The following CNTNAP5 variants were observed in gnomAD, a reference collection of about 807,000 sequenced individuals.
CNTNAP5 encodes contactin associated protein family member 5, also known as contactin-associated protein-like 5.
In CNTNAP5, 72 loss-of-function variants were observed where a neutral mutation model predicts 150.2. The ratio of observed to expected loss-of-function variants is 0.48; its 90% CI spans 0.40 to 0.58. The LOEUF is 0.58. Ranked by LOEUF, CNTNAP5 falls within the 20% of genes least tolerant of loss-of-function variation. The probability of loss-of-function intolerance (pLI) is 0.00; values close to 1 mark genes in which losing one functional copy is unlikely to be tolerated. For missense variants in CNTNAP5, 1,636 were observed against 1,626.2 expected (o/e 1.01, Z -0.10); for synonymous variants, 672 against 619.8 (o/e 1.08, Z -1.25).
intron 3 of CNTNAP5, among the ~76,000 whole-genome samples, chr2:124,385,519 A>G (rs1324368261): frequency 6.6e-6 from 1 of 152,202 alleles, no homozygotes; most frequent in Non-Finnish European, 1.5e-5. Context: ...ATAAGACTAT[A>G]TTCTCTGGGG....
intron 19 of CNTNAP5, among the ~76,000 whole-genome samples, chr2:124,802,451 G>A (rs545678273): frequency 1.0e-3 from 155 of 152,260 alleles, no homozygotes; most frequent in African/African-American, 3.6e-3. Context: ...AAAGAAATTA[G>A]TTTAATTTCT....
intron 1 of CNTNAP5, among the ~76,000 whole-genome samples, chr2:124,215,865 A>G (rs936921414): frequency 6.6e-6 from 1 of 152,190 alleles, no homozygotes; most frequent in Non-Finnish European, 1.5e-5. Flanking sequence ...GTTATAAATA[A>G]TACTACTACT....
chr2:124,526,119 C>A (rs998407362), intron 9 of CNTNAP5, among the ~76,000 whole-genome samples: 9 of 152,150 alleles, frequency 5.9e-5, no homozygotes, highest in African/African-American at 2.2e-4. Context: ...ATCCAACATG[C>A]CTCAGAGACA....
intron 1 of CNTNAP5, among the ~76,000 whole-genome samples, chr2:124,133,158 G>C (rs971281062): frequency 6.6e-6 from 1 of 152,134 alleles, no homozygotes; most frequent in Admixed American, 6.5e-5. Context: ...AAAAAAGGTA[G>C]TTGAGATTCA....
intron 21 of CNTNAP5, among the ~76,000 whole-genome samples, chr2:124,879,969 T>A (rs1294039600): frequency 1.3e-5 from 2 of 152,086 alleles, no homozygotes. Context: ...GGCCAGAAGC[T>A]GAAAGAAACA....
At chr2:124,088,844 T>C (rs985974291) in intron 1 of CNTNAP5, among the ~76,000 whole-genome samples, 2 of 152,180 alleles carry the variant, frequency 1.3e-5, no homozygotes, top group Admixed American at 1.3e-4. Flanking sequence ...ATCTTGATAA[T>C]CTCATGGACG....
chr2:124,134,958 A>C (rs1489266064), intron 1 of CNTNAP5: 1 of 152,202 alleles, frequency 6.6e-6, no homozygotes, highest in Non-Finnish European at 1.5e-5. Flanking sequence ...GTATAAAAAT[A>C]TCTACTATAC....
intron 3 of CNTNAP5, among the ~76,000 whole-genome samples, chr2:124,271,648 G>GT (rs5834055): frequency 0.068 from 9,969 of 145,842 alleles, 460 homozygotes; most frequent in Non-Finnish European, 0.11. Context: ...CCTTCATTTA[G>GT]TTTTTTTTTA....
intron 3 of CNTNAP5, among the ~76,000 whole-genome samples, chr2:124,346,149 CACTT>C (rs1381149650): frequency 6.6e-6 from 1 of 152,168 alleles, no homozygotes; most frequent in African/African-American, 2.4e-5. Context: ...ATACCACACT[CACTT>C]GCTTACTTAA....
In CNTNAP5 at chr2:124,699,993, T is replaced by C. The variant is rs183138101; in HGVS notation, c.2078-47236T>C. 3.3e-5 allele frequency among the ~76,000 whole-genome samples: 5 copies of C among 152,316 alleles called. No individual in the cohort carries two copies. The East Asian group carries it at 9.6e-4, about 29-fold the overall frequency. On this transcript the variant is annotated intron_variant, in intron 13 of 23. Transcript: ENST00000682447. Reference sequence around the variant, plus strand: ...ACCCAAAATGAAACCCTGTACTTGTTAGCAACTTCTCTCCATTCTCTTCTC... The same window carrying C: ...ACCCAAAATGAAACCCTGTACTTGTCAGCAACTTCTCTCCATTCTCTTCTC...
At chr2:124,806,930 T>A (rs1045944379) in intron 19 of CNTNAP5, among the ~76,000 whole-genome samples, 92 of 151,420 alleles carry the variant, frequency 6.1e-4, no homozygotes, top group Non-Finnish European at 9.9e-4. Context: ...TTTTTTTTTT[T>A]AAGCCAGGGA....
At chr2:124,791,693 CTTTTTTT>C (rs538796535) in intron 18 of CNTNAP5, among the ~76,000 whole-genome samples, 4 of 115,390 alleles carry the variant, frequency 3.5e-5, no homozygotes, top group African/African-American at 9.7e-5. Context: ...AGCCTAATTT[CTTTTTTT>C]TTTTTTTTTT....
At chr2:124,430,398 A>T (rs748855408) in intron 4 of CNTNAP5, among the ~76,000 whole-genome samples, 3 of 152,242 alleles carry the variant, frequency 2.0e-5, no homozygotes, top group Admixed American at 2.0e-4. Context: ...GCAAAAAAAC[A>T]TCTAGAGAAT....
chr2:124,769,787 A>C (rs1681151237), intron 16 of CNTNAP5, among the ~76,000 whole-genome samples: 1 of 152,134 alleles, frequency 6.6e-6, no homozygotes, highest in Non-Finnish European at 1.5e-5. Context: ...CACCATCTGG[A>C]TTCACATCCA....
chr2:124,811,767 C>T (rs1301292068), intron 19 of CNTNAP5, among the ~76,000 whole-genome samples: 2 of 149,426 alleles, frequency 1.3e-5, no homozygotes, highest in Non-Finnish European at 2.9e-5. Context: ...ATGGAAAAAC[C>T]CCATCTGTAC....
rs368235555 is a variant in CNTNAP5 at position 124,520,663 on chromosome 2, A to G, written c.1328-3640A>G. ...TCTTTTAGGCCTCAGCCCCTATATC[A>G]TGGGGGTGCTTAGTGCCCCATATTG... On this transcript the variant is annotated intron_variant, in intron 8 of 23. Transcript: ENST00000682447. 1.3e-4 allele frequency among the ~76,000 whole-genome samples: 20 copies of G among 152,220 alleles called. No homozygotes were observed. The East Asian group carries it at 3.7e-3, about 28-fold the overall frequency.
At chr2:124,833,432 T>G (rs1295861852) in intron 19 of CNTNAP5, among the ~76,000 whole-genome samples, 1 of 152,142 alleles carries the variant, frequency 6.6e-6, no homozygotes, top group Non-Finnish European at 1.5e-5. Context: ...TTCCAAATGG[T>G]CCTTATCTGT....
intron 3 of CNTNAP5, among the ~76,000 whole-genome samples, chr2:124,325,025 G>A (rs1365099384): frequency 1.3e-5 from 2 of 152,186 alleles, no homozygotes; most frequent in South Asian, 2.1e-4. Context: ...AGGATGCTAT[G>A]GCTTGAATAT....
chr2:124,104,658 A>T (rs1473089446), intron 1 of CNTNAP5, among the ~76,000 whole-genome samples: 2 of 152,024 alleles, frequency 1.3e-5, no homozygotes, highest in Non-Finnish European at 2.9e-5. Flanking sequence ...CTATAATTTT[A>T]TTGTCTCCTC....
Sources: allele counts gnomAD v4.1 joint callset (sites outside exome capture counted in the v4.1 genomes callset), GRCh38; gene constraint gnomAD v4.1.1; transcripts MANE v1.5; gene names NCBI Gene and HGNC (gene_info 2026-07-23, HGNC 2026-07-21).